C2CD3: variants seen among roughly 807,000 people sequenced by gnomAD.
C2CD3 encodes C2 domain-containing protein 3.
A neutral mutation model predicts 234.0 loss-of-function variants in C2CD3; 148 were observed. The ratio of observed to expected loss-of-function variants is 0.63; its 90% confidence interval spans 0.55 to 0.72. C2CD3 has a LOEUF of 0.72. Among genes scored for constraint, C2CD3 ranks in the 30% least tolerant of loss-of-function variants. The probability of loss-of-function intolerance (pLI) is 0.00; values close to 1 mark genes in which losing one functional copy is unlikely to be tolerated. For synonymous variants in C2CD3, 1,000 were observed against 1,035.4 expected (o/e 0.97, Z 0.66); for missense variants, 2,577 against 2,811.5 (o/e 0.92, Z 1.89).
At chr11:74,125,399 T>A (rs1957377632) in intron 7 of C2CD3, among the ~76,000 whole-genome samples, 1 of 152,146 alleles carries the variant, frequency 6.6e-6, no homozygotes, top group Non-Finnish European at 1.5e-5. Flanking sequence ...CTAAACGATC[T>A]GACATAGCCT....
chr11:74,150,535 ATTTCTAAGCTT>A (rs1855569703), intron 3 of C2CD3, among the ~76,000 whole-genome samples: 1 of 94,600 alleles, frequency 1.1e-5, no homozygotes, highest in South Asian at 3.2e-4. Flanking sequence ...AACAAAACAA[ATTTCTAAGCTT>A]TTTAAAACAT....
Position 74,100,547 on chromosome 11 carries a change from G to A in C2CD3, c.2710C>T (p.His904Tyr), listed in dbSNP as rs753714516. The A allele has an allele frequency of 5.0e-6, 8 of 1,611,624 alleles. No individual in the cohort carries two copies. Among genetic ancestry groups the A allele is most frequent in the Non-Finnish European group, 6.8e-6 (8 of 1,179,370 alleles). Residue 904 changes from histidine to tyrosine, a missense_variant, in exon 15 of 33, where the codon CAC becomes TAC. Transcript: ENST00000334126. ...TACTTGAATGACATGTAAAACTGGT[G>A]GAGGGGAAGTTTCACCAGCCCGAGC... Reference protein sequence around the residue: ...KLLGLVKLPLHQFYMSFKDAK... With the variant: ...KLLGLVKLPLYQFYMSFKDAK...
intron 17 of C2CD3, among the ~76,000 whole-genome samples, chr11:74,094,511 C>T (rs570998394): frequency 2.6e-5 from 4 of 152,232 alleles, no homozygotes; most frequent in East Asian, 1.9e-4. Flanking sequence ...GCAAAAAGTT[C>T]GAGTCACCTG....
intron 23 of C2CD3, 116 bp from the exon 24 acceptor site, chr11:74,074,716 A>G: frequency 5.2e-6 from 4 of 764,320 alleles, no homozygotes; most frequent in Non-Finnish European, 8.3e-6. Flanking sequence ...TACAAACCCC[A>G]ATACAGCAAT....
intron 2 of C2CD3, chr11:74,164,159 C>T: frequency 2.1e-6 from 2 of 972,404 alleles, no homozygotes; most frequent in Non-Finnish European, 2.4e-6. Flanking sequence ...GACCTTTATA[C>T]TTCACTTGTT....
rs1952617211 is a variant in C2CD3 at position 74,033,896 on chromosome 11, A to T, written c.6264T>A (p.Ser2088=). The change falls in exon 31 of 33, where the codon TCT becomes TCA. Residue 2088 remains serine, a synonymous_variant. Coordinates refer to ENST00000334126, the MANE Select transcript of C2CD3 (RefSeq NM_001286577.2). ...CCTCACTTGTGTCTGATATGACACT[A>T]GACCAAGGGCTAGTTTTGTCTGTCA... ...TTVTDKTSPW[S]SVISDTSEVI... 6.5e-7 allele frequency: 1 copy of T among 1,536,092 alleles called. No individual in the cohort carries two copies. Among genetic ancestry groups the T allele is most frequent in the Admixed American group, 2.0e-5 (1 of 50,990 alleles).
At chr11:74,105,666 A>AC (rs937603327) in intron 13 of C2CD3, among the ~76,000 whole-genome samples, 1 of 152,096 alleles carries the variant, frequency 6.6e-6, no homozygotes, top group Non-Finnish European at 1.5e-5. Flanking sequence ...CAAGGAAATA[A>AC]CCCTCTCTCC....
At chr11:74,033,272 G>T in intron 31 of C2CD3, 79 bp downstream of exon 31, 1 of 1,206,572 alleles carries the variant, frequency 8.3e-7, no homozygotes, top group Middle Eastern at 2.6e-4. Context: ...TTCCATGAGG[G>T]TGGCCACTTG....
chr11:74,161,577 C>A, intron 2 of C2CD3, 21 bp from the exon 3 acceptor site: 1 of 1,505,878 alleles, frequency 6.6e-7, no homozygotes, highest in Non-Finnish European at 8.9e-7. Flanking sequence ...ACAATTACAA[C>A]ATGGATATTT....
intron 9 of C2CD3, among the ~76,000 whole-genome samples, chr11:74,116,881 T>C (rs1179718500): frequency 7.6e-6 from 1 of 130,790 alleles, no homozygotes; most frequent in Non-Finnish European, 1.7e-5. Context: ...TATGTATATA[T>C]ACACACGTGT....
chr11:74,016,311 C>CA (rs35080142), intron 32 of C2CD3, among the ~76,000 whole-genome samples: 11,918 of 152,264 alleles, frequency 0.078, 1,463 homozygotes, highest in African/African-American at 0.26. Flanking sequence ...GGCGGCTTCA[C>CA]AGGAGGTGGG....
At chr11:74,024,179 C>T (rs1726759) in intron 32 of C2CD3, among the ~76,000 whole-genome samples, 20,896 of 152,102 alleles carry the variant, frequency 0.14, 4,599 homozygotes, top group African/African-American at 0.47. Context: ...CATGTTACAT[C>T]CAGTGCAAGA....
chr11:74,157,338 T>A (rs1000495380), intron 3 of C2CD3, among the ~76,000 whole-genome samples: 1 of 152,194 alleles, frequency 6.6e-6, no homozygotes, highest in African/African-American at 2.4e-5. Flanking sequence ...CGATATACAG[T>A]AATTCATGTG....
At position 74,035,382 on chromosome 11, in the gene C2CD3, C is replaced by T. The variant is rs1186430995; in HGVS notation, c.5882-1104G>A. 2.6e-5 allele frequency among the ~76,000 whole-genome samples: 4 copies of T among 152,216 alleles called. No homozygotes were observed. In the East Asian group the frequency reaches 5.8e-4, roughly 22 times the overall value. ...CTTGCCCAGCCTTCAAGGCCATGTT[C>T]TATTGGATCTCCTCCAGGAGGCCTT... On this transcript the variant is annotated intron_variant, in intron 30 of 32. Coordinates refer to ENST00000334126, the MANE Select transcript of C2CD3 (RefSeq NM_001286577.2).
chr11:74,113,840 C>T lies in C2CD3; in HGVS notation c.1783G>A (p.Gly595Arg). 10 of 1,608,644 alleles carry T rather than the reference C, an allele frequency of 6.2e-6. No individual in the cohort carries two copies. The highest frequency in any genetic ancestry group is 8.5e-6 in the Non-Finnish European group (10 of 1,178,548). ...FPVGFSESGL[G>R]KTALITEVVR... is the part of the protein sequence containing the mutation. Reference sequence around the variant, plus strand: ...ACCTCAGTGATCAAAGCTGTCTTTCCCAATCCGCTTTCCGAAAAGCCCACA... The same window carrying T: ...ACCTCAGTGATCAAAGCTGTCTTTCTCAATCCGCTTTCCGAAAAGCCCACA... The change falls in exon 11 of 33, where the codon GGA becomes AGA. Residue 595 changes from glycine to arginine, a missense_variant. Physicochemically the swap from Gly to Arg is moderately radical, Grantham distance 125. Coordinates refer to ENST00000334126, the MANE Select transcript of C2CD3 (RefSeq NM_001286577.2).
chr11:74,083,231 C>G (rs1256974971), intron 22 of C2CD3, among the ~76,000 whole-genome samples: 1 of 152,264 alleles, frequency 6.6e-6, no homozygotes, highest in East Asian at 1.9e-4. Flanking sequence ...GGAAAACTGG[C>G]TAGCCATATG....
intron 7 of C2CD3, among the ~76,000 whole-genome samples, chr11:74,131,389 T>C (rs2135535212): frequency 1.3e-5 from 2 of 151,784 alleles, no homozygotes; most frequent in Admixed American, 1.3e-4. Context: ...TAGATAATGG[T>C]GGATCACATA....
At chr11:74,014,526 C>T (rs1238894604) in intron 32 of C2CD3, among the ~76,000 whole-genome samples, 1 of 131,084 alleles carries the variant, frequency 7.6e-6, no homozygotes, top group African/African-American at 4.4e-5. Context: ...TGAGGCCCAG[C>T]GAGAGTTGCG....
intron 9 of C2CD3, among the ~76,000 whole-genome samples, chr11:74,115,833 C>T (rs1436354841): frequency 3.3e-5 from 5 of 152,102 alleles, no homozygotes; most frequent in Non-Finnish European, 7.4e-5. Flanking sequence ...TACTTATAGC[C>T]AACTGATCTT....
Sources: gnomAD v4.1 joint callset for allele counts (sites outside exome capture counted in the v4.1 genomes callset) on GRCh38, gnomAD v4.1.1 for gene constraint, MANE v1.5 for transcripts, NCBI Gene and HGNC (gene_info 2026-07-23, HGNC 2026-07-21) for gene names.